The following FAM184B variants were observed in gnomAD, a reference collection of about 807,000 sequenced individuals.
The protein encoded by FAM184B is family with sequence similarity 184 member B, also known as protein FAM184B.
In FAM184B, 111 loss-of-function variants were observed where a neutral mutation model predicts 135.9. The observed-to-expected ratio is 0.82, with a 90% confidence interval of 0.70 to 0.96. FAM184B has a LOEUF of 0.96. Among genes scored for constraint, FAM184B ranks in the 40% least tolerant of loss-of-function variants. The probability of loss-of-function intolerance (pLI) is 0.00; values close to 1 mark genes in which losing one functional copy is unlikely to be tolerated. For synonymous variants in FAM184B, 552 were observed against 524.8 expected (o/e 1.05, Z -0.71); for missense variants, 1,375 against 1,323.9 (o/e 1.04, Z -0.60).
intron 16 of FAM184B, among the ~76,000 whole-genome samples, chr4:17,634,734 G>T (rs960968145): frequency 2.6e-5 from 4 of 152,096 alleles, no homozygotes; most frequent in Non-Finnish European, 5.9e-5. Context: ...GTTAAGAAGT[G>T]GAAGATTCTT....
intron 5 of FAM184B, among the ~76,000 whole-genome samples, chr4:17,700,120 T>C (rs1577266406): frequency 6.6e-6 from 1 of 151,914 alleles, no homozygotes; most frequent in African/African-American, 2.4e-5. Flanking sequence ...ACTCAATGTA[T>C]CCAAATTAAA....
chr4:17,712,593 G>A (rs1717304981), intron 1 of FAM184B, among the ~76,000 whole-genome samples: 1 of 152,146 alleles, frequency 6.6e-6, no homozygotes, highest in East Asian at 1.9e-4. Context: ...ATTCACCCAT[G>A]GTTTTCAAAC....
chr4:17,767,251 C>T (rs192747546), intron 1 of FAM184B, among the ~76,000 whole-genome samples: 1,668 of 152,310 alleles, frequency 0.011, 15 homozygotes, highest in Non-Finnish European at 0.017. Context: ...GAGAGGGGCT[C>T]CTGCAGTGCA....
intron 15 of FAM184B, 56 bp from the exon 16 acceptor site, chr4:17,635,169 G>T (rs1715088760): frequency 7.3e-7 from 1 of 1,373,980 alleles, no homozygotes; most frequent in Non-Finnish European, 1.0e-6. Flanking sequence ...CACTGGGTTT[G>T]ACTTGAAGGA....
At chr4:17,701,887 G>T (rs950114557) in intron 5 of FAM184B, among the ~76,000 whole-genome samples, 2 of 152,212 alleles carry the variant, frequency 1.3e-5, no homozygotes, top group Non-Finnish European at 1.5e-5. Context: ...GGCCATATAT[G>T]ACTAGGGAGC....
intron 15 of FAM184B, among the ~76,000 whole-genome samples, chr4:17,636,166 C>T (rs771066040): frequency 1.3e-5 from 2 of 152,002 alleles, no homozygotes; most frequent in Admixed American, 6.6e-5. Context: ...AGTGCAGTGG[C>T]GCTATGCTGG....
chr4:17,654,762 G>C (rs1715742888), intron 10 of FAM184B, among the ~76,000 whole-genome samples: 1 of 152,236 alleles, frequency 6.6e-6, no homozygotes, highest in Non-Finnish European at 1.5e-5. Flanking sequence ...GCTTTCCTCA[G>C]CCTGTCTCTG....
In FAM184B at chr4:17,631,840, T is replaced by C. The variant is rs1480744241; in HGVS notation, c.*692A>G. ...CATTTTGGAATTGCATCATTTTACA[T>C]AGAAACAGCTTTCCAGTGGAGTTGA... On this transcript the variant is annotated 3_prime_UTR_variant, in exon 18 of 18. Transcript: ENST00000265018. 1.3e-5 allele frequency: 2 copies of C among 152,276 alleles called. No homozygotes were observed. The highest frequency in any genetic ancestry group is 4.8e-5 in the African/African-American group (2 of 41,538). The allele number at this position is 152,276 out of a possible 1,614,324, so 9.4% of individuals were successfully genotyped here.
At chr4:17,661,124 A>G (rs529258864) in intron 8 of FAM184B, among the ~76,000 whole-genome samples, 4 of 152,310 alleles carry the variant, frequency 2.6e-5, no homozygotes, top group South Asian at 2.1e-4. Context: ...GAGTTTAAAG[A>G]TCTCACTGAG....
At chr4:17,733,827 A>C (rs1313742025) in intron 1 of FAM184B, among the ~76,000 whole-genome samples, 1 of 152,208 alleles carries the variant, frequency 6.6e-6, no homozygotes, top group Non-Finnish European at 1.5e-5. Flanking sequence ...GGAGAAAACT[A>C]CTTTAAAGTT....
At chr4:17,645,458 C>T (rs4395496) in intron 12 of FAM184B, among the ~76,000 whole-genome samples, 2 of 152,184 alleles carry the variant, frequency 1.3e-5, no homozygotes, top group South Asian at 4.2e-4. Context: ...ACAAACCTGA[C>T]AAAAACAAGA....
chr4:17,636,923 C>T (rs1715159430), intron 14 of FAM184B, among the ~76,000 whole-genome samples: 1 of 152,226 alleles, frequency 6.6e-6, no homozygotes, highest in Non-Finnish European at 1.5e-5. Context: ...AGGGATGCTG[C>T]TGGGAGAACA....
intron 1 of FAM184B, among the ~76,000 whole-genome samples, chr4:17,766,794 C>T (rs577792756): frequency 3.3e-5 from 5 of 152,360 alleles, no homozygotes; most frequent in South Asian, 4.1e-4. Context: ...CTGCCAGTCC[C>T]GCGCAGAGCA....
chr4:17,667,744 A>C (rs995943520), intron 7 of FAM184B, among the ~76,000 whole-genome samples: 1 of 152,240 alleles, frequency 6.6e-6, no homozygotes, highest in Admixed American at 6.5e-5. Flanking sequence ...TTTGCATAAA[A>C]TATAGAAGAT....
At chr4:17,769,978 T>C (rs748560778) in intron 1 of FAM184B, among the ~76,000 whole-genome samples, 21 of 152,124 alleles carry the variant, frequency 1.4e-4, no homozygotes, top group Non-Finnish European at 2.1e-4. Flanking sequence ...CTGAGCCAAG[T>C]TGGCTGAGTC....
At chr4:17,713,191 G>A (rs1233532060) in intron 1 of FAM184B, among the ~76,000 whole-genome samples, 2 of 152,198 alleles carry the variant, frequency 1.3e-5, no homozygotes, top group African/African-American at 4.8e-5. Context: ...ATGCGAATGA[G>A]TGAATAAAGG....
chr4:17,688,398 T>C, intron 7 of FAM184B, 26 bp downstream of exon 7: 6 of 1,503,396 alleles, frequency 4.0e-6, no homozygotes, highest in Non-Finnish European at 5.4e-6. Context: ...ATATCTTTAA[T>C]TAAATCTGAC....
rs1313926695 is a variant in FAM184B, at chr4:17,709,045, C to A, written c.741G>T (p.Trp247Cys). Residue 247 changes from tryptophan (W) to cysteine (C), a missense_variant, in exon 2 of 18, where the codon TGG (tryptophan) becomes TGT (cysteine). Transcript: ENST00000265018. ...QQSVSQALWQ[W>C]QEKESDLRKN... is the part of the protein sequence containing the mutation. Reference sequence around the variant, plus strand: ...TGCGGAGGTCCGACTCCTTCTCCTGCCACTGCCACAGGGCCTGGCTCACCG... The same window carrying A: ...TGCGGAGGTCCGACTCCTTCTCCTGACACTGCCACAGGGCCTGGCTCACCG... 6.4e-7 allele frequency: 1 copy of A among 1,550,426 alleles called. No homozygotes were observed. The highest frequency in any genetic ancestry group is 1.2e-5 in the South Asian group (1 of 84,050).
At chr4:17,738,067 C>A (rs1357416153) in intron 1 of FAM184B, among the ~76,000 whole-genome samples, 1 of 152,166 alleles carries the variant, frequency 6.6e-6, no homozygotes, top group Non-Finnish European at 1.5e-5. Context: ...CCCTTGGTCA[C>A]AGGGATGAGC....
Sources: allele counts gnomAD v4.1 joint callset (sites outside exome capture counted in the v4.1 genomes callset), GRCh38; gene constraint gnomAD v4.1.1; transcripts MANE v1.5; gene names NCBI Gene and HGNC (gene_info 2026-07-23, HGNC 2026-07-21).